Variants in RBM20 observed in about 807,000 individuals in gnomAD.
RBM20 encodes the protein RNA binding motif protein 20.
RBM20 carries 51 observed loss-of-function variants against 110.1 expected under a neutral mutation model. The observed-to-expected ratio is 0.46, with a 90% CI of 0.37 to 0.59. The LOEUF (loss-of-function observed/expected upper bound fraction) is 0.59. Ranked by LOEUF, RBM20 falls within the 20% of genes least tolerant of loss-of-function variation. The pLI is 0.00. For missense variants in RBM20, 1,512 were observed against 1,574.9 expected, an observed-to-expected ratio of 0.96 and a Z score of 0.68; for synonymous variants, 589 against 618.2, an observed-to-expected ratio of 0.95 and a Z score of 0.70.
At chr10:110,833,172 C>T (rs1011419764) in intron 13 of RBM20, among the ~76,000 whole-genome samples, 5 of 151,570 alleles carry the variant, frequency 3.3e-5, no homozygotes, top group South Asian at 2.1e-4. Flanking sequence ...GGGTGGATCA[C>T]GAGGTCAGGA....
chr10:110,763,247 G>A (rs1025183600), intron 1 of RBM20, among the ~76,000 whole-genome samples: 10 of 151,946 alleles, frequency 6.6e-5, no homozygotes, highest in African/African-American at 9.7e-5. Flanking sequence ...CACACACCGG[G>A]TCTGAATTCA....
intron 1 of RBM20, among the ~76,000 whole-genome samples, chr10:110,663,127 G>C (rs1224921850): frequency 6.6e-6 from 1 of 152,054 alleles, no homozygotes; most frequent in Non-Finnish European, 1.5e-5. Flanking sequence ...GCCACACCCA[G>C]CTAATTTTTT....
intron 12 of RBM20, among the ~76,000 whole-genome samples, chr10:110,827,293 A>G (rs1354585878): frequency 1.3e-5 from 2 of 152,062 alleles, no homozygotes; most frequent in African/African-American, 4.8e-5. Context: ...AGGGAGGAGG[A>G]TTGCTTGAAC....
At chr10:110,738,664 C>G (rs967518446) in intron 1 of RBM20, among the ~76,000 whole-genome samples, 1 of 152,014 alleles carries the variant, frequency 6.6e-6, no homozygotes, top group Non-Finnish European at 1.5e-5. Flanking sequence ...GAAACAGTGA[C>G]ACAGCTGAGA....
At chr10:110,779,609 T>A (rs367594317) in intron 1 of RBM20, among the ~76,000 whole-genome samples, 7 of 152,196 alleles carry the variant, frequency 4.6e-5, no homozygotes, top group African/African-American at 1.7e-4. Context: ...ACATCCAAAG[T>A]GGGGGGACAG....
At chr10:110,699,469 A>G (rs1862722856) in intron 1 of RBM20, among the ~76,000 whole-genome samples, 1 of 151,876 alleles carries the variant, frequency 6.6e-6, no homozygotes, top group African/African-American at 2.4e-5. Context: ...ATGGGGTTTC[A>G]CCATGTTGGT....
chr10:110,770,124 A>G (rs775016160), intron 1 of RBM20, among the ~76,000 whole-genome samples: 8 of 152,146 alleles, frequency 5.3e-5, no homozygotes, highest in Non-Finnish European at 1.2e-4. Context: ...AGAAATGTAC[A>G]TGTTCACGCT....
At chr10:110,657,922 A>G (rs1862047856) in intron 1 of RBM20, among the ~76,000 whole-genome samples, 1 of 152,240 alleles carries the variant, frequency 6.6e-6, no homozygotes, top group Non-Finnish European at 1.5e-5. Context: ...TCAAATTTTT[A>G]TTAGTATGTC....
At chr10:110,799,017 TAAA>T (rs535714742) in intron 6 of RBM20, among the ~76,000 whole-genome samples, 28 of 152,224 alleles carry the variant, frequency 1.8e-4, no homozygotes, top group Non-Finnish European at 2.2e-4. Context: ...AGCAGTTAAA[TAAA>T]GAAGAAAGAT....
intron 1 of RBM20, among the ~76,000 whole-genome samples, chr10:110,717,852 T>C (rs1471378552): frequency 1.3e-5 from 2 of 152,210 alleles, no homozygotes; most frequent in African/African-American, 4.8e-5. Context: ...AAGCGCTCCA[T>C]TGCACTGGCC....
chr10:110,695,186 C>T (rs984173402), intron 1 of RBM20, among the ~76,000 whole-genome samples: 4 of 152,140 alleles, frequency 2.6e-5, no homozygotes, highest in African/African-American at 9.7e-5. Flanking sequence ...CCCAAAGACC[C>T]CTGCAGTTTA....
At chr10:110,726,900 G>A (rs954348073) in intron 1 of RBM20, among the ~76,000 whole-genome samples, 7 of 152,324 alleles carry the variant, frequency 4.6e-5, no homozygotes, top group African/African-American at 1.7e-4. Flanking sequence ...AGGCTGGAGT[G>A]CAATGGTGCA....
intron 1 of RBM20, among the ~76,000 whole-genome samples, chr10:110,726,921 A>C (rs973651441): frequency 1.3e-5 from 2 of 152,156 alleles, no homozygotes; most frequent in African/African-American, 4.8e-5. Context: ...ACCTTGGCTC[A>C]CTGCAACCTC....
chr10:110,699,838 AT>A (rs1372133307), intron 1 of RBM20, among the ~76,000 whole-genome samples: 1 of 152,156 alleles, frequency 6.6e-6, no homozygotes, highest in East Asian at 1.9e-4. Flanking sequence ...CGTTGGGGCC[AT>A]TATGAAGCGA....
intron 1 of RBM20, among the ~76,000 whole-genome samples, chr10:110,711,942 G>A (rs1218107946): frequency 1.3e-5 from 2 of 152,182 alleles, no homozygotes; most frequent in African/African-American, 2.4e-5. Flanking sequence ...GTAAGGTAAT[G>A]TGTTGTTGAT....
intron 12 of RBM20, among the ~76,000 whole-genome samples, chr10:110,824,025 C>T (rs1844951457): frequency 1.3e-5 from 2 of 152,018 alleles, no homozygotes; most frequent in African/African-American, 4.8e-5. Flanking sequence ...CTTCACCTGG[C>T]CGGCCTATCG....
intron 1 of RBM20, among the ~76,000 whole-genome samples, chr10:110,727,027 TAGCAGAGACAGGGTTTCGTC>T (rs1269971425): frequency 6.6e-6 from 1 of 152,048 alleles, no homozygotes; most frequent in Non-Finnish European, 1.5e-5. Flanking sequence ...TTTGTGTTTT[TAGCAGAGACAGGGTTTCGTC>T]ATGTTGGCCA....
intron 1 of RBM20, among the ~76,000 whole-genome samples, chr10:110,780,475 T>C (rs1230288490): frequency 6.6e-6 from 1 of 152,254 alleles, no homozygotes; most frequent in Non-Finnish European, 1.5e-5. Flanking sequence ...ATTGACATTG[T>C]GCCTATTCTA....
chr10:110,783,485 A>T lies in RBM20; in HGVS notation c.1337+58A>T. 3 of 1,320,108 alleles carry T rather than the reference A, an allele frequency of 2.3e-6. No homozygotes were observed. The South Asian group carries it at 3.8e-5, about 17-fold the overall frequency. 81.8% of individuals were successfully genotyped at this position (1,320,108 alleles called of 1,614,324 possible). On this transcript the variant is annotated intron_variant, in intron 3 of 13. Coordinates refer to ENST00000369519, the MANE Select transcript of RBM20 (RefSeq NM_001134363.3). ...TAGGCTCAACACATATTCACTGAGC[A>T]TTTACTGTGTGTCACACGCTGTTTT...
Sources: allele counts gnomAD v4.1 joint callset (sites outside exome capture counted in the v4.1 genomes callset), GRCh38; gene constraint gnomAD v4.1.1; transcripts MANE v1.5; gene names NCBI Gene and HGNC (gene_info 2026-07-23, HGNC 2026-07-21).